The following CDH13 variants were observed in gnomAD, a reference collection of about 807,000 sequenced individuals.
The protein encoded by CDH13 is cadherin-13.
CDH13 carries 24 observed loss-of-function variants against 63.8 expected under a neutral mutation model. That is an observed-to-expected ratio of 0.38 (90% CI 0.27 to 0.53). The LOEUF (loss-of-function observed/expected upper bound fraction) is 0.53, where lower values mean the gene tolerates loss of function less well. CDH13 is among the 20% of genes least tolerant of loss of function. The pLI, the probability that CDH13 is intolerant of heterozygous loss-of-function variation, is 0.85. For missense variants in CDH13, 1,049 were observed against 903.1 expected, an observed-to-expected ratio of 1.16 and a Z score of -2.07; for synonymous variants, 503 against 355.3, an observed-to-expected ratio of 1.42 and a Z score of -4.67.
intron 6 of CDH13, among the ~76,000 whole-genome samples, chr16:83,454,402 C>G (rs1197967141): frequency 6.6e-6 from 1 of 152,200 alleles, no homozygotes; most frequent in East Asian, 1.9e-4. Flanking sequence ...AATATTGACA[C>G]TAGAAATCAG....
At chr16:82,636,644 T>C (rs16957913) in intron 1 of CDH13, among the ~76,000 whole-genome samples, 6,162 of 152,260 alleles carry the variant, frequency 0.04, 253 homozygotes, top group East Asian at 0.24. Flanking sequence ...GGTGTAGCCT[T>C]GGTGACTTCT....
chr16:83,466,666 A>G (rs1465457521), intron 6 of CDH13, among the ~76,000 whole-genome samples: 4 of 152,304 alleles, frequency 2.6e-5, no homozygotes, highest in Non-Finnish European at 4.4e-5. Flanking sequence ...GATGTTTATC[A>G]TAGACAAGGA....
chr16:83,251,836 G>T (rs1420158276), intron 5 of CDH13, among the ~76,000 whole-genome samples: 4 of 151,994 alleles, frequency 2.6e-5, no homozygotes, highest in Non-Finnish European at 5.9e-5. Flanking sequence ...GAGGTAGCAG[G>T]GCTGGGTCCA....
chr16:83,579,661 A>C (rs912010606), intron 7 of CDH13, among the ~76,000 whole-genome samples: 1 of 152,094 alleles, frequency 6.6e-6, no homozygotes, highest in African/African-American at 2.4e-5. Flanking sequence ...AAACCGTATC[A>C]ATCATTTATT....
At chr16:83,488,581 T>A (rs956895604) in intron 7 of CDH13, among the ~76,000 whole-genome samples, 3 of 152,178 alleles carry the variant, frequency 2.0e-5, no homozygotes, top group African/African-American at 7.2e-5. Context: ...TCATTTCATC[T>A]CCCATTCTCT....
intron 1 of CDH13, among the ~76,000 whole-genome samples, chr16:82,735,214 G>A (rs549759739): frequency 6.6e-6 from 1 of 152,318 alleles, no homozygotes; most frequent in East Asian, 1.9e-4. Flanking sequence ...TATCATCCAT[G>A]ACAGTCTTTG....
intron 1 of CDH13, chr16:82,829,224 T>C (rs2038409219): frequency 6.6e-6 from 1 of 152,240 alleles, no homozygotes; most frequent in Non-Finnish European, 1.5e-5. Context: ...ATCTTTTATT[T>C]TGACTTAATT....
At chr16:83,031,886 G>T (rs7189859) in intron 2 of CDH13, 124 bp from the exon 3 acceptor site, 5 of 742,670 alleles carry the variant, frequency 6.7e-6, no homozygotes, top group Non-Finnish European at 1.1e-5. Context: ...GGGATAAAAC[G>T]TAACATTTGT....
chr16:83,436,040 G>A (rs1222571977), intron 6 of CDH13, among the ~76,000 whole-genome samples: 3 of 152,170 alleles, frequency 2.0e-5, no homozygotes, highest in Non-Finnish European at 4.4e-5. Flanking sequence ...GATGCTAGTG[G>A]CGTCTCGCAG....
intron 11 of CDH13, among the ~76,000 whole-genome samples, chr16:83,770,440 G>C (rs559441327): frequency 6.6e-6 from 1 of 152,202 alleles, no homozygotes; most frequent in Non-Finnish European, 1.5e-5. Flanking sequence ...TGACATGCTT[G>C]TGACTGGAAA....
intron 1 of CDH13, among the ~76,000 whole-genome samples, chr16:82,661,284 A>G (rs1911914419): frequency 6.6e-6 from 1 of 152,250 alleles, no homozygotes; most frequent in Admixed American, 6.5e-5. Flanking sequence ...AGCTCTGATC[A>G]CAGCTTAATT....
intron 7 of CDH13, among the ~76,000 whole-genome samples, chr16:83,549,762 T>A (rs776781043): frequency 6.6e-6 from 1 of 151,980 alleles, no homozygotes; most frequent in Non-Finnish European, 1.5e-5. Flanking sequence ...ACTTGTCAAC[T>A]AAAGAAAGGG....
At chr16:83,714,436 G>A (rs1323575459) in intron 10 of CDH13, among the ~76,000 whole-genome samples, 1 of 152,200 alleles carries the variant, frequency 6.6e-6, no homozygotes, top group African/African-American at 2.4e-5. Context: ...CTGCCCCAGT[G>A]AGCTCAAGTG....
intron 5 of CDH13, among the ~76,000 whole-genome samples, chr16:83,305,826 T>G (rs1425214505): frequency 2.6e-5 from 4 of 152,220 alleles, no homozygotes. Context: ...AAACGCATAA[T>G]AGATACTCAA....
intron 4 of CDH13, among the ~76,000 whole-genome samples, chr16:83,206,007 C>G (rs994030209): frequency 5.3e-5 from 8 of 152,112 alleles, no homozygotes; most frequent in East Asian, 3.9e-4. Flanking sequence ...AGACTGAGCT[C>G]TTACAGTGAG....
At chr16:83,204,112 C>G (rs1257997800) in intron 4 of CDH13, among the ~76,000 whole-genome samples, 3 of 152,224 alleles carry the variant, frequency 2.0e-5, no homozygotes, top group African/African-American at 7.2e-5. Context: ...GGCCATGTCA[C>G]ACGGAGTTCC....
At chr16:83,071,003 C>A (rs1363104248) in intron 3 of CDH13, among the ~76,000 whole-genome samples, 1 of 152,004 alleles carries the variant, frequency 6.6e-6, no homozygotes, top group Non-Finnish European at 1.5e-5. Flanking sequence ...CATGATGCAC[C>A]TGAGTTCTCC....
intron 2 of CDH13, among the ~76,000 whole-genome samples, chr16:82,982,178 G>A (rs1910354261): frequency 6.6e-6 from 1 of 151,836 alleles, no homozygotes; most frequent in Non-Finnish European, 1.5e-5. Flanking sequence ...TTTGTAGGAA[G>A]GTATATGAAT....
At chr16:82,806,180 C>G (rs942800195) in intron 1 of CDH13, among the ~76,000 whole-genome samples, 4 of 152,176 alleles carry the variant, frequency 2.6e-5, no homozygotes, top group East Asian at 1.9e-4. Context: ...CTCTTGCTTC[C>G]TTGCTGAACT....
Sources: gnomAD v4.1 joint callset for allele counts (sites outside exome capture counted in the v4.1 genomes callset) on GRCh38, gnomAD v4.1.1 for gene constraint, MANE v1.5 for transcripts, NCBI Gene and HGNC (gene_info 2026-07-23, HGNC 2026-07-21) for gene names.